The following VWA3B variants were observed in gnomAD, a reference collection of about 807,000 sequenced individuals.
The protein encoded by VWA3B is von Willebrand factor A domain containing 3B.
Under a neutral mutation model 158.3 loss-of-function variants are expected in VWA3B, and 138 were observed. The observed-to-expected ratio is 0.87, with a 90% CI of 0.76 to 1.00. The LOEUF (loss-of-function observed/expected upper bound fraction) is 1.00. Ranked by LOEUF, VWA3B falls within the 50% of genes least tolerant of loss-of-function variation. VWA3B has a pLI of 0.00. For synonymous variants in VWA3B, 596 were observed against 587.3 expected (o/e 1.01, Z -0.21); for missense variants, 1,555 against 1,565.1 (o/e 0.99, Z 0.11).
chr2:98,110,399 T>A (rs977311134), intron 2 of VWA3B, among the ~76,000 whole-genome samples: 1 of 152,204 alleles, frequency 6.6e-6, no homozygotes, highest in Non-Finnish European at 1.5e-5. Context: ...CTTCCTATGT[T>A]TTTATTCATT....
intron 8 of VWA3B, among the ~76,000 whole-genome samples, chr2:98,163,508 A>G: frequency 6.6e-6 from 1 of 152,222 alleles, no homozygotes; most frequent in Admixed American, 6.5e-5. Context: ...ACTGCACTCC[A>G]GCCTAGCAAT....
At position 98,300,255 on chromosome 2, in the gene VWA3B, G is replaced by C. The variant is rs371754702; in HGVS notation, c.3420+39G>C. ...CATTTAGAAAAGGACTTTCTCCTGGGCAATGCCAGGCTGTATCCTGGCACT... is the reference window on the plus strand; with the variant it reads ...CATTTAGAAAAGGACTTTCTCCTGGCCAATGCCAGGCTGTATCCTGGCACT... On this transcript the variant is annotated intron_variant, in intron 25 of 27. Transcript: ENST00000477737. 23 of 1,611,232 alleles carry C rather than the reference G, an allele frequency of 1.4e-5. No individual in the cohort carries two copies. The African/African-American group carries it at 2.8e-4, about 20-fold the overall frequency.
intron 22 of VWA3B, among the ~76,000 whole-genome samples, chr2:98,272,163 C>G (rs964837308): frequency 6.6e-6 from 1 of 152,238 alleles, no homozygotes; most frequent in South Asian, 2.1e-4. Context: ...GACTGGCCCT[C>G]CCAACACATC....
At chr2:98,168,615 T>C (rs1679312156) in intron 8 of VWA3B, among the ~76,000 whole-genome samples, 1 of 152,158 alleles carries the variant, frequency 6.6e-6, no homozygotes, top group African/African-American at 2.4e-5. Context: ...ACTGAACTTT[T>C]AGAGACAAGA....
chr2:98,270,877 G>A lies in VWA3B; in HGVS notation c.3039G>A (p.Pro1013=), dbSNP rs374151826. ...AGAAGAATTATGCAAACAAGGCCCC[G>A]GGAGAGGTGGGTGCCCTGGAGGTCT... The part of the protein sequence containing the change: ...AAKKNYANKA[P]GEQQKLQGNP... The change falls in exon 22 of 28, where the codon CCG becomes CCA. Residue 1013 remains proline, a synonymous_variant. Coordinates refer to ENST00000477737, the MANE Select transcript of VWA3B (RefSeq NM_144992.5). 1.2e-5 allele frequency: 19 copies of A among 1,613,594 alleles called. No individual in the cohort carries two copies. The highest frequency in any genetic ancestry group is 5.0e-5 in the Admixed American group (3 of 59,972).
chr2:98,137,200 T>C (rs1422062181), intron 7 of VWA3B, among the ~76,000 whole-genome samples: 1 of 152,212 alleles, frequency 6.6e-6, no homozygotes, highest in Non-Finnish European at 1.5e-5. Flanking sequence ...GGGATTCTAT[T>C]TTTAATGTTT....
chr2:98,235,117 G>A (rs1289439720), intron 17 of VWA3B, among the ~76,000 whole-genome samples: 5 of 151,986 alleles, frequency 3.3e-5, no homozygotes, highest in African/African-American at 1.2e-4. Flanking sequence ...GCCCCTCTCT[G>A]GTCCAAATTG....
intron 22 of VWA3B, among the ~76,000 whole-genome samples, chr2:98,285,975 T>G (rs1218959170): frequency 6.6e-6 from 1 of 152,138 alleles, no homozygotes; most frequent in Non-Finnish European, 1.5e-5. Context: ...TAGTTTTGAG[T>G]GTATAAGTCT....
chr2:98,102,956 A>G (rs1182501881), intron 2 of VWA3B, among the ~76,000 whole-genome samples: 1 of 152,232 alleles, frequency 6.6e-6, no homozygotes, highest in Non-Finnish European at 1.5e-5. Context: ...TGTGTTTTTC[A>G]AGGAATTTCC....
rs1405248234 is a variant in VWA3B at position 98,312,442 on chromosome 2, G to A, written c.*93G>A. The A allele has an allele frequency of 2.7e-6, 4 of 1,480,202 alleles. No homozygotes were observed. The highest frequency in any genetic ancestry group is 3.6e-6 in the Non-Finnish European group (4 of 1,110,352). The allele number at this position is 1,480,202 out of a possible 1,614,324, so 91.7% of individuals were successfully genotyped here. A position where few individuals can be genotyped will look rare whatever the true frequency, so the allele number is the denominator to read the frequency against. ...CACTGAAACTGGCCCCTCCGCGGAG[G>A]TAAGGCCGCCCTCCGCGCCGCCTAT... On this transcript the variant is annotated 3_prime_UTR_variant, in exon 28 of 28. Coordinates refer to ENST00000477737, the MANE Select transcript of VWA3B (RefSeq NM_144992.5).
At chr2:98,308,092 G>C (rs1321838897) in intron 26 of VWA3B, among the ~76,000 whole-genome samples, 2 of 152,108 alleles carry the variant, frequency 1.3e-5, no homozygotes, top group Non-Finnish European at 2.9e-5. Context: ...ACACCTAAAT[G>C]ATTCTTAAAG....
chr2:98,148,692 C>T (rs1677365978), intron 7 of VWA3B, among the ~76,000 whole-genome samples: 1 of 152,126 alleles, frequency 6.6e-6, no homozygotes, highest in Admixed American at 6.5e-5. Flanking sequence ...TGGATTTTCC[C>T]TAAAATATGT....
At chr2:98,245,407 T>C (rs1686329182) in intron 19 of VWA3B, 1 of 377,518 alleles carries the variant, frequency 2.6e-6, no homozygotes, top group Non-Finnish European at 5.2e-6. Context: ...AAACATTTCC[T>C]GTGATCTCCA....
chr2:98,118,802 A>AT (rs1197948331), intron 3 of VWA3B, among the ~76,000 whole-genome samples: 2 of 152,184 alleles, frequency 1.3e-5, no homozygotes, highest in Non-Finnish European at 1.5e-5. Flanking sequence ...ATAGGGCACA[A>AT]TTTTTTCTTG....
At chr2:98,148,592 T>C (rs1677359927) in intron 7 of VWA3B, among the ~76,000 whole-genome samples, 1 of 152,246 alleles carries the variant, frequency 6.6e-6, no homozygotes, top group Non-Finnish European at 1.5e-5. Context: ...CTCCTTTTGG[T>C]TCTTTATTGC....
intron 19 of VWA3B, among the ~76,000 whole-genome samples, chr2:98,249,454 C>T (rs752320220): frequency 6.6e-6 from 1 of 152,088 alleles, no homozygotes. Flanking sequence ...ATGAGGTAAG[C>T]GTCTGTTACC....
chr2:98,209,004 C>G (rs2105525571), intron 12 of VWA3B, among the ~76,000 whole-genome samples: 1 of 152,280 alleles, frequency 6.6e-6, no homozygotes, highest in Non-Finnish European at 1.5e-5. Context: ...TGATTCATGG[C>G]TGGCAGTTAT....
intron 17 of VWA3B, among the ~76,000 whole-genome samples, chr2:98,235,019 G>GC (rs1685584762): frequency 1.3e-5 from 2 of 152,088 alleles, no homozygotes; most frequent in African/African-American, 4.8e-5. Flanking sequence ...TCATGCTGCT[G>GC]CCCCTCCATG....
intron 20 of VWA3B, among the ~76,000 whole-genome samples, chr2:98,255,017 T>G (rs992702941): frequency 2.0e-5 from 3 of 148,938 alleles, no homozygotes; most frequent in Non-Finnish European, 2.9e-5. Flanking sequence ...TTGTTTTTGT[T>G]TTTTGTTTTT....
Sources: gnomAD v4.1 joint callset for allele counts (sites outside exome capture counted in the v4.1 genomes callset) on GRCh38, gnomAD v4.1.1 for gene constraint, MANE v1.5 for transcripts, NCBI Gene and HGNC (gene_info 2026-07-23, HGNC 2026-07-21) for gene names.